CYP2C18: variants seen among roughly 807,000 people sequenced by gnomAD.
CYP2C18 encodes cytochrome P450 2C18.
In CYP2C18, 38 loss-of-function variants were observed where a neutral mutation model predicts 41.3. The ratio of observed to expected loss-of-function variants is 0.92; its 90% confidence interval spans 0.71 to 1.21. The LOEUF (loss-of-function observed/expected upper bound fraction) is 1.21, where lower values mean the gene tolerates loss of function less well. Ranked by LOEUF, CYP2C18 falls within the 50% of genes most tolerant of loss-of-function variation. The pLI is 0.00. For missense variants in CYP2C18, 635 were observed against 591.4 expected, an observed-to-expected ratio of 1.07 and a Z score of -0.77; for synonymous variants, 236 against 210.0, an observed-to-expected ratio of 1.12 and a Z score of -1.07.
In CYP2C18 at chr10:94,724,375, G is replaced by C; in HGVS notation, c.991G>C (p.Val331Leu). ...AKVQEEIECV[V>L]GRNRSPCMQD... ...AGTCCAGGAAGAGATTGAATGTGTA[G>C]TTGGCAGAAACCGGAGCCCCTGTAT... The change falls in exon 7 of 9, where the codon GTT becomes CTT. Residue 331 changes from valine to leucine, a missense_variant. Coordinates refer to ENST00000285979, the MANE Select transcript of CYP2C18 (RefSeq NM_000772.3). 6.2e-7 allele frequency: 1 copy of C among 1,613,404 alleles called. No individual in the cohort carries two copies. Among genetic ancestry groups the C allele is most frequent in the African/African-American group, 1.3e-5 (1 of 74,944 alleles).
intron 7 of CYP2C18, among the ~76,000 whole-genome samples, chr10:94,729,373 G>A (rs1847793481): frequency 6.6e-6 from 1 of 152,076 alleles, no homozygotes; most frequent in Non-Finnish European, 1.5e-5. Context: ...GTAGACACAA[G>A]AGTCAAAAAT....
intron 1 of CYP2C18, among the ~76,000 whole-genome samples, chr10:94,685,692 CAATT>C (rs1425363154): frequency 6.6e-6 from 1 of 152,128 alleles, no homozygotes; most frequent in Non-Finnish European, 1.5e-5. Context: ...TGTCAAAAAT[CAATT>C]GATTATAGAT....
chr10:94,728,632 C>T, intron 7 of CYP2C18: 1 of 975,380 alleles, frequency 1.0e-6, no homozygotes, highest in Non-Finnish European at 1.2e-6. Context: ...GTGATCAACC[C>T]CTCAATAAAT....
At chr10:94,710,310 A>G (rs984906115) in intron 5 of CYP2C18, among the ~76,000 whole-genome samples, 5 of 152,176 alleles carry the variant, frequency 3.3e-5, no homozygotes, top group African/African-American at 1.2e-4. Context: ...GGAAAGTGTC[A>G]GTTCTCCAGT....
At chr10:94,711,949 CT>C (rs1213987192) in intron 5 of CYP2C18, among the ~76,000 whole-genome samples, 1 of 150,446 alleles carries the variant, frequency 6.6e-6, no homozygotes, top group Non-Finnish European at 1.5e-5. Flanking sequence ...TCAAGCAATT[CT>C]TCCACCTCAG....
chr10:94,700,633 T>G (rs1255170743), intron 4 of CYP2C18, among the ~76,000 whole-genome samples: 1 of 152,170 alleles, frequency 6.6e-6, no homozygotes, highest in African/African-American at 2.4e-5. Flanking sequence ...TGGATCTAAT[T>G]AAACTAAAGA....
At chr10:94,730,911 C>G (rs1010166516) in intron 7 of CYP2C18, among the ~76,000 whole-genome samples, 1 of 152,084 alleles carries the variant, frequency 6.6e-6, no homozygotes, top group Non-Finnish European at 1.5e-5. Context: ...AAATCAAGAA[C>G]GCAATCCCAT....
rs768617676 is a variant in CYP2C18, at chr10:94,720,492, C to A, written c.916C>A (p.Leu306Met). 1 of 1,613,450 alleles carries A rather than the reference C, an allele frequency of 6.2e-7. No individual in the cohort carries two copies. The highest frequency in any genetic ancestry group is 1.1e-5 in the South Asian group (1 of 91,048). The part of the protein sequence containing the change: ...GAGTETTSTT[L>M]RYGLLLLLKY... The stretch of plus-strand genomic sequence containing the variant: ...TGGAACAGAGACAACGAGCACCACT[C>A]TGAGATATGGACTCCTGCTCCTGCT... Residue 306 changes from leucine to methionine, a missense_variant, in exon 6 of 9, where the codon CTG (leucine) becomes ATG (methionine). Transcript: ENST00000285979.
intron 4 of CYP2C18, among the ~76,000 whole-genome samples, chr10:94,700,460 C>T (rs1021192746): frequency 6.6e-6 from 1 of 151,852 alleles, no homozygotes; most frequent in African/African-American, 2.4e-5. Flanking sequence ...TTCCTTACAC[C>T]TTATAGAACA....
At chr10:94,732,254 A>G (rs966029612) in intron 7 of CYP2C18, among the ~76,000 whole-genome samples, 2 of 152,210 alleles carry the variant, frequency 1.3e-5, no homozygotes, top group Non-Finnish European at 2.9e-5. Context: ...AGAAATGCAA[A>G]TCAAAACCAA....
At chr10:94,696,031 G>A (rs1339343231) in intron 4 of CYP2C18, among the ~76,000 whole-genome samples, 2 of 152,190 alleles carry the variant, frequency 1.3e-5, no homozygotes, top group African/African-American at 2.4e-5. Flanking sequence ...AGGCCTGCCT[G>A]CCTCTGTAGA....
intron 6 of CYP2C18, among the ~76,000 whole-genome samples, chr10:94,722,532 A>G (rs1847664680): frequency 6.6e-6 from 1 of 152,166 alleles, no homozygotes; most frequent in Non-Finnish European, 1.5e-5. Context: ...TTTGGCAGAG[A>G]GATTGAAGTT....
chr10:94,719,328 T>C (rs1199312658), intron 5 of CYP2C18, among the ~76,000 whole-genome samples: 2 of 152,152 alleles, frequency 1.3e-5, no homozygotes, highest in African/African-American at 2.4e-5. Flanking sequence ...GCAGAACTAG[T>C]ACTGTAGCTC....
Position 94,688,288 on chromosome 10 carries a change from T to C in CYP2C18, c.481+14T>C, listed in dbSNP as rs186177391. The C allele has an allele frequency of 1.0e-4, 162 of 1,581,740 alleles. No individual in the cohort carries two copies. The African/African-American group carries it at 1.9e-3, about 19-fold the overall frequency. On this transcript the variant is annotated intron_variant, in intron 3 of 8. Coordinates refer to ENST00000285979, the MANE Select transcript of CYP2C18 (RefSeq NM_000772.3). The stretch of plus-strand genomic sequence containing the variant: ...GAAAAACCAATGGTGGGTGACTTTT[T>C]TTTTTCCTGAAAAATGTTTTCTAAA...
rs1259875167 is a variant in CYP2C18 at position 94,687,839 on chromosome 10, T to G, written c.238T>G (p.Tyr80Asp). 3 of 1,613,844 alleles carry G rather than the reference T, an allele frequency of 1.9e-6. No homozygotes were observed. The highest frequency in any genetic ancestry group is 2.5e-6 in the Non-Finnish European group (3 of 1,179,774). ...GLKPIVVLHG[Y>D]EAVKEALIDH... ...GAAGCCCATTGTGGTGTTGCATGGA[T>G]ATGAAGCAGTGAAGGAGGCCCTGAT... Residue 80 changes from tyrosine to aspartate, a missense_variant, in exon 2 of 9, where the codon TAT becomes GAT. Coordinates refer to ENST00000285979, the MANE Select transcript of CYP2C18 (RefSeq NM_000772.3).
In CYP2C18 at chr10:94,724,385, A is replaced by G. The variant is rs751578555; in HGVS notation, c.1001A>G (p.Asn334Ser). The G allele has an allele frequency of 1.9e-6, 3 of 1,613,540 alleles. No homozygotes were observed. Among genetic ancestry groups the G allele is most frequent in the Non-Finnish European group, 2.5e-6 (3 of 1,179,666 alleles). Residue 334 changes from asparagine to serine, a missense_variant, in exon 7 of 9, where the codon AAC becomes AGC. Asn to Ser is a conservative substitution (Grantham distance 46, BLOSUM62 1). Transcript: ENST00000285979. The part of the protein sequence containing the change: ...QEEIECVVGR[N>S]RSPCMQDRSH... The stretch of plus-strand genomic sequence containing the variant: ...GAGATTGAATGTGTAGTTGGCAGAA[A>G]CCGGAGCCCCTGTATGCAGGACAGG...
intron 4 of CYP2C18, among the ~76,000 whole-genome samples, chr10:94,698,030 T>C (rs191911193): frequency 1.3e-3 from 192 of 152,232 alleles, no homozygotes; most frequent in African/African-American, 4.5e-3. Flanking sequence ...ACAATAATAA[T>C]GGGAGACTTT....
rs1248686024 is a variant in CYP2C18, at chr10:94,708,497, T to A, written c.819+1537T>A. 2.6e-5 allele frequency among the ~76,000 whole-genome samples: 4 copies of A among 152,210 alleles called. No homozygotes were observed. In the East Asian group the frequency reaches 7.7e-4, roughly 29 times the overall value. ...GGTGTTTCAGTGACCAGTGGCTATG[T>A]CCTCATTACTATATTTAAAAAGTGC... On this transcript the variant is annotated intron_variant, in intron 5 of 8. Coordinates refer to ENST00000285979, the MANE Select transcript of CYP2C18 (RefSeq NM_000772.3).
At position 94,720,531 on chromosome 10, in the gene CYP2C18, G is replaced by A. The variant is rs764757103; in HGVS notation, c.955G>A (p.Val319Ile). The change falls in exon 6 of 9, where the codon GTC becomes ATC. Residue 319 changes from valine (V) to isoleucine (I), a missense_variant. By Grantham distance (29) the Val-to-Ile change is conservative (BLOSUM62 3). Coordinates refer to ENST00000285979, the MANE Select transcript of CYP2C18 (RefSeq NM_000772.3). ...GLLLLLKYPEVTAKVQEEIEC... is the reference protein window; with the variant it reads ...GLLLLLKYPEITAKVQEEIEC... ...CCTGCTCCTGCTGAAGTACCCAGAGGTCACAGGTATGATGATACCATAGGT... is the reference window on the plus strand; with the variant it reads ...CCTGCTCCTGCTGAAGTACCCAGAGATCACAGGTATGATGATACCATAGGT... The A allele has an allele frequency of 4.3e-6, 7 of 1,612,894 alleles. No homozygotes were observed. Among genetic ancestry groups the A allele is most frequent in the Non-Finnish European group, 4.2e-6 (5 of 1,179,484 alleles).
Sources: gnomAD v4.1 joint callset for allele counts (sites outside exome capture counted in the v4.1 genomes callset) on GRCh38, gnomAD v4.1.1 for gene constraint, MANE v1.5 for transcripts, NCBI Gene and HGNC (gene_info 2026-07-23, HGNC 2026-07-21) for gene names.